Variants in SMG9 observed in about 807,000 individuals in gnomAD.
SMG9 encodes SMG9 nonsense mediated mRNA decay factor.
SMG9 carries 55 observed loss-of-function variants against 64.0 expected under a neutral mutation model. The observed-to-expected ratio is 0.86, with a 90% CI of 0.69 to 1.08. SMG9 has a LOEUF of 1.08. SMG9 is among the 50% of genes least tolerant of loss of function. The pLI is 0.00. For synonymous variants in SMG9, 244 were observed against 254.8 expected, an observed-to-expected ratio of 0.96 and a Z score of 0.41; for missense variants, 554 against 681.3, an observed-to-expected ratio of 0.81 and a Z score of 2.08.
chr19:43,733,214 T>G, intron 12 of SMG9, 110 bp downstream of exon 12: 1 of 1,476,272 alleles, frequency 6.8e-7, no homozygotes, highest in Non-Finnish European at 9.2e-7. Context: ...GGCTCCACAC[T>G]GCTCCCAAAC....
Position 43,747,489 on chromosome 19 carries a change from T to C in SMG9, c.541A>G (p.Ile181Val), listed in dbSNP as rs904201959. Residue 181 changes from isoleucine to valine, a missense_variant, in exon 5 of 14, where the codon ATC becomes GTC. Coordinates refer to ENST00000270066, the MANE Select transcript of SMG9 (RefSeq NM_019108.4). ...LLPPERMKHS[I>V]KLVDDQMNWC... Reference sequence around the variant, plus strand: ...TTCATCTGGTCATCCACCAACTTGATGCTGTGCTTCATGCGCTCTGGGGGC... The same window carrying C: ...TTCATCTGGTCATCCACCAACTTGACGCTGTGCTTCATGCGCTCTGGGGGC... The C allele has an allele frequency of 7.4e-6, 12 of 1,614,160 alleles. No homozygotes were observed. The highest frequency in any genetic ancestry group is 1.1e-5 in the South Asian group (1 of 91,088).
chr19:43,741,236 G>A (rs1312825936), intron 6 of SMG9, among the ~76,000 whole-genome samples: 1 of 152,222 alleles, frequency 6.6e-6, no homozygotes, highest in African/African-American at 2.4e-5. Context: ...AGAAAGGGCT[G>A]CCCTGGAGAG....
Position 43,734,294 on chromosome 19 carries a change from C to T in SMG9, c.1102+95G>A. The T allele has an allele frequency of 4.0e-6, 4 of 1,011,208 alleles. No individual in the cohort carries two copies. In the East Asian group the frequency reaches 7.9e-5, roughly 20 times the overall value. The allele number at this position is 1,011,208 out of a possible 1,614,324, so 62.6% of individuals were successfully genotyped here. A position where few individuals can be genotyped will look rare whatever the true frequency, so the allele number is the denominator to read the frequency against. ...AAGTGCTCCACCCAGAACCCCACTC[C>T]TTCCTCTCTCTCCCCTCTTCTCCAG... On this transcript the variant is annotated intron_variant, in intron 10 of 13. Coordinates refer to ENST00000270066, the MANE Select transcript of SMG9 (RefSeq NM_019108.4).
chr19:43,732,804 C>G, intron 13 of SMG9, 54 bp downstream of exon 13: 1 of 1,606,332 alleles, frequency 6.2e-7, no homozygotes, highest in South Asian at 1.1e-5. Flanking sequence ...GCCCCCTTCT[C>G]TCTACACCAG....
chr19:43,733,786 G>C, intron 10 of SMG9, 53 bp from the exon 11 acceptor site: 1 of 1,387,250 alleles, frequency 7.2e-7, no homozygotes, highest in South Asian at 1.2e-5. Flanking sequence ...TGGCTTCATG[G>C]ACTCCCCTTT....
At chr19:43,732,721 C>G (rs1968522093) in intron 13 of SMG9, 137 bp downstream of exon 13, 1 of 1,012,338 alleles carries the variant, frequency 9.9e-7, no homozygotes, top group Non-Finnish European at 1.5e-6. Flanking sequence ...CAGTAGCAAT[C>G]ATCACTGTTC....
In SMG9 at chr19:43,748,012, G is replaced by A. The variant is rs1568381309; in HGVS notation, c.191C>T (p.Thr64Ile). ...EETSTSVMQK[T>I]PIILSKPPAE... The stretch of plus-strand genomic sequence containing the variant: ...TGGAGGTTTTGAGAGGATGATGGGG[G>A]TTTTCTGCATGACGGAAGTGCTTGT... Residue 64 changes from threonine to isoleucine, a missense_variant, in exon 3 of 14, where the codon ACC becomes ATC. Thr to Ile is a moderately conservative substitution (Grantham distance 89, BLOSUM62 -1). Transcript: ENST00000270066. 6.2e-7 allele frequency: 1 copy of A among 1,613,610 alleles called. No homozygotes were observed. Among genetic ancestry groups the A allele is most frequent in the South Asian group, 1.1e-5 (1 of 91,006 alleles).
At chr19:43,750,524 C>A (rs1443302151) in intron 2 of SMG9, 68 bp downstream of exon 2, 8 of 1,528,440 alleles carry the variant, frequency 5.2e-6, no homozygotes, top group Non-Finnish European at 7.0e-6. Flanking sequence ...TGGATTAGTG[C>A]CTGGCACATG....
chr19:43,728,918 G>A lies in SMG9; in HGVS notation c.*2678C>T. ...CTGGGAATGATGAAGGGACTGGAGA[G>A]CCACAAGCAGCAGGCATTCCTGGTG... On this transcript the variant is annotated 3_prime_UTR_variant, in exon 14 of 14. Transcript: ENST00000270066. 3 of 908,656 alleles carry A rather than the reference G, an allele frequency of 3.3e-6. No homozygotes were observed. Among genetic ancestry groups the A allele is most frequent in the East Asian group, 1.2e-4 (1 of 8,462 alleles). 56.3% of individuals were successfully genotyped at this position (908,656 alleles called of 1,614,324 possible).
At chr19:43,749,799 G>A (rs780967081) in intron 2 of SMG9, among the ~76,000 whole-genome samples, 4 of 152,186 alleles carry the variant, frequency 2.6e-5, no homozygotes, top group Non-Finnish European at 5.9e-5. Context: ...AGCCCAGGGC[G>A]CTCTCTACAG....
At chr19:43,744,035 AT>A (rs1219801937) in intron 6 of SMG9, among the ~76,000 whole-genome samples, 1 of 151,590 alleles carries the variant, frequency 6.6e-6, no homozygotes, top group Non-Finnish European at 1.5e-5. Context: ...AAATTCCTAC[AT>A]TTTTCCCTTT....
intron 1 of SMG9, among the ~76,000 whole-genome samples, chr19:43,752,790 C>G (rs1969227517): frequency 6.6e-6 from 1 of 151,718 alleles, no homozygotes; most frequent in South Asian, 2.1e-4. Context: ...CCTGTAGTCC[C>G]AGCTACTTGG....
In SMG9 at chr19:43,754,627, CCTCGCGCGGG is replaced by C. The variant is rs913191170; in HGVS notation, c.-7+17_-7+26del. 16 of 151,970 alleles carry C rather than the reference CCTCGCGCGGG, an allele frequency of 1.1e-4. No individual in the cohort carries two copies. Among genetic ancestry groups the C allele is most frequent in the Non-Finnish European group, 2.1e-4 (14 of 67,962 alleles). 9.4% of individuals were successfully genotyped at this position (151,970 alleles called of 1,614,324 possible). ...GCCCCGCCCGCCGCCGGTGCGCTAG[CCTCGCGCGGG>C]CTCGCGGCCCCCTTACCTAACGCGG... On this transcript the variant is annotated intron_variant, in intron 1 of 13. Transcript: ENST00000270066.
chr19:43,744,680 T>G, intron 6 of SMG9, 92 bp downstream of exon 6: 1 of 845,454 alleles, frequency 1.2e-6, no homozygotes, highest in Non-Finnish European at 1.9e-6. Flanking sequence ...CAAAGTCCTT[T>G]GGTAACACCA....
At position 43,731,573 on chromosome 19, in the gene SMG9, G is replaced by T. The variant is rs1968485507; in HGVS notation, c.*23C>A. 5 of 1,614,098 alleles carry T rather than the reference G, an allele frequency of 3.1e-6. No individual in the cohort carries two copies. Among genetic ancestry groups the T allele is most frequent in the Non-Finnish European group, 3.4e-6 (4 of 1,179,970 alleles). ...ACACTGCGGACCCAGGAGGTCCCCTGCATGACATTCCTCTCCTTGGCCTCA... is the reference window on the plus strand; with the variant it reads ...ACACTGCGGACCCAGGAGGTCCCCTTCATGACATTCCTCTCCTTGGCCTCA... On this transcript the variant is annotated 3_prime_UTR_variant, in exon 14 of 14. Coordinates refer to ENST00000270066, the MANE Select transcript of SMG9 (RefSeq NM_019108.4).
At chr19:43,736,995 C>T (rs1190872981) in intron 9 of SMG9, among the ~76,000 whole-genome samples, 1 of 152,132 alleles carries the variant, frequency 6.6e-6, no homozygotes, top group Non-Finnish European at 1.5e-5. Context: ...GGAGTGAGGG[C>T]AGGTGCGGTG....
intron 11 of SMG9, 23 bp downstream of exon 11, chr19:43,733,603 G>C (rs141654703): frequency 2.3e-4 from 366 of 1,612,122 alleles, no homozygotes; most frequent in African/African-American, 2.7e-4. Flanking sequence ...GACTAGCTTG[G>C]GGGGTGATGT....
At chr19:43,737,127 G>C (rs1968695296) in intron 9 of SMG9, among the ~76,000 whole-genome samples, 2 of 152,310 alleles carry the variant, frequency 1.3e-5, no homozygotes, top group South Asian at 4.1e-4. Context: ...GCAAAAATTA[G>C]CTGGGCATGG....
intron 5 of SMG9, among the ~76,000 whole-genome samples, chr19:43,745,507 G>C (rs575909995): frequency 1.3e-5 from 2 of 152,304 alleles, no homozygotes; most frequent in East Asian, 3.9e-4. Context: ...AAACAGCTAC[G>C]TTCTGAACTG....
Sources: allele counts gnomAD v4.1 joint callset (sites outside exome capture counted in the v4.1 genomes callset), GRCh38; gene constraint gnomAD v4.1.1; transcripts MANE v1.5; gene names NCBI Gene and HGNC (gene_info 2026-07-23, HGNC 2026-07-21).